DOCK4: variants seen among roughly 807,000 people sequenced by gnomAD.
DOCK4 encodes the protein dedicator of cytokinesis protein 4.
A neutral mutation model predicts 268.1 loss-of-function variants in DOCK4; 97 were observed. The observed-to-expected ratio is 0.36, with a 90% CI of 0.31 to 0.43. DOCK4 has a LOEUF of 0.43. Among genes scored for constraint, DOCK4 ranks in the 20% least tolerant of loss-of-function variants. The pLI is 1.00. For missense variants in DOCK4, 2,145 were observed against 2,455.7 expected (o/e 0.87, Z 2.67); for synonymous variants, 954 against 887.2 (o/e 1.08, Z -1.34).
intron 1 of DOCK4, among the ~76,000 whole-genome samples, chr7:112,179,143 T>C (rs577674405): frequency 6.6e-6 from 1 of 152,244 alleles, no homozygotes; most frequent in Non-Finnish European, 1.5e-5. Flanking sequence ...TCTCAGCACT[T>C]TAGAAGGCTG....
At chr7:111,995,846 A>G (rs1799916792) in intron 4 of DOCK4, among the ~76,000 whole-genome samples, 1 of 152,176 alleles carries the variant, frequency 6.6e-6, no homozygotes, top group African/African-American at 2.4e-5. Context: ...TTCTTTCTAG[A>G]GCTTAAACAC....
chr7:111,996,238 A>C (rs1799943844), intron 4 of DOCK4, among the ~76,000 whole-genome samples: 1 of 152,222 alleles, frequency 6.6e-6, no homozygotes, highest in Non-Finnish European at 1.5e-5. Context: ...ACATACACGC[A>C]ATTCAGTCTG....
At chr7:111,791,101 A>ATATATATATATAT (rs1355856524) in intron 30 of DOCK4, among the ~76,000 whole-genome samples, 1,180 of 115,492 alleles carry the variant, frequency 0.01, 21 homozygotes, top group African/African-American at 0.015. Flanking sequence ...TATATATATA[A>ATATATATATATAT]AATAAATCAT....
At chr7:112,088,950 G>T (rs180971660) in intron 1 of DOCK4, among the ~76,000 whole-genome samples, 62 of 152,018 alleles carry the variant, frequency 4.1e-4, no homozygotes, top group Non-Finnish European at 5.6e-4. Context: ...TGCTCAATAC[G>T]TTGTCAATGC....
intron 30 of DOCK4, among the ~76,000 whole-genome samples, chr7:111,792,731 G>C (rs1478067227): frequency 6.6e-6 from 1 of 152,126 alleles, no homozygotes; most frequent in Non-Finnish European, 1.5e-5. Flanking sequence ...CTGGGGAGCA[G>C]CTAAAATGAT....
chr7:111,848,056 A>G (rs1016303915), intron 23 of DOCK4, among the ~76,000 whole-genome samples: 5 of 152,076 alleles, frequency 3.3e-5, no homozygotes, highest in Admixed American at 3.3e-4. Flanking sequence ...TGACCCTTTC[A>G]ATCTATACAC....
At chr7:112,203,504 A>G (rs1282726044) in intron 1 of DOCK4, among the ~76,000 whole-genome samples, 2 of 152,212 alleles carry the variant, frequency 1.3e-5, no homozygotes, top group African/African-American at 4.8e-5. Flanking sequence ...ATATAAAAGC[A>G]TAATTATCTC....
chr7:111,780,698 T>C (rs1027807224), intron 35 of DOCK4, among the ~76,000 whole-genome samples: 4 of 152,234 alleles, frequency 2.6e-5, no homozygotes, highest in African/African-American at 9.6e-5. Context: ...GTCACAGCTC[T>C]CCTGAAGACA....
chr7:111,808,534 T>A (rs1369832929), intron 30 of DOCK4: 1 of 284,828 alleles, frequency 3.5e-6, no homozygotes, highest in African/African-American at 2.2e-5. Flanking sequence ...AAAGGTTGCC[T>A]CATCGCTGGA....
At chr7:112,204,752 A>C (rs992126281) in intron 1 of DOCK4, among the ~76,000 whole-genome samples, 57 of 152,198 alleles carry the variant, frequency 3.7e-4, no homozygotes, top group African/African-American at 1.2e-3. Context: ...AAAAAAAAAA[A>C]CAAAAATCCC....
rs180704737 is a variant in DOCK4 at position 112,082,503 on chromosome 7, C to T, written c.38-78372G>A. Among the ~76,000 whole-genome samples, 26 of 152,278 alleles carry T rather than the reference C, an allele frequency of 1.7e-4. No individual in the cohort carries two copies. In the South Asian group the frequency reaches 2.5e-3, roughly 15 times the overall value. On this transcript the variant is annotated intron_variant, in intron 1 of 52. Transcript: ENST00000428084. ...TAATAGGATTGGCAACCCATAGGCA[C>T]GCTGGGATTTCCCAGCAAATCAAAT...
intron 1 of DOCK4, among the ~76,000 whole-genome samples, chr7:112,146,146 C>G (rs937235891): frequency 6.6e-6 from 1 of 152,174 alleles, no homozygotes; most frequent in Non-Finnish European, 1.5e-5. Context: ...CCTGAGGTGA[C>G]TTTACAGAGG....
intron 30 of DOCK4, among the ~76,000 whole-genome samples, chr7:111,791,865 G>C (rs1014221398): frequency 6.6e-6 from 1 of 152,138 alleles, no homozygotes; most frequent in African/African-American, 2.4e-5. Context: ...CCACCAGGCT[G>C]GGCCCCTTGT....
intron 8 of DOCK4, among the ~76,000 whole-genome samples, chr7:111,973,647 T>A (rs1281002992): frequency 1.3e-5 from 2 of 151,522 alleles, no homozygotes; most frequent in African/African-American, 4.9e-5. Flanking sequence ...GGAATATTAA[T>A]TTTTTAGATG....
Position 111,844,696 on chromosome 7 carries a change from G to A in DOCK4, c.2736+67C>T, listed in dbSNP as rs539557345. 4.6e-6 allele frequency: 7 copies of A among 1,524,730 alleles called. No individual in the cohort carries two copies. The South Asian group carries it at 6.5e-5, about 14-fold the overall frequency. The allele number at this position is 1,524,730 out of a possible 1,614,324, so 94.5% of individuals were successfully genotyped here. A position where few individuals can be genotyped will look rare whatever the true frequency, so the allele number is the denominator to read the frequency against. ...CACATTTTCCAGATTATAACATCAA[G>A]CCACCTGCAACGTGACTGAAGCATA... On this transcript the variant is annotated intron_variant, in intron 25 of 52. Coordinates refer to ENST00000428084, the MANE Select transcript of DOCK4 (RefSeq NM_001363540.2).
chr7:112,132,839 T>C (rs1325290409), intron 1 of DOCK4, among the ~76,000 whole-genome samples: 1 of 152,174 alleles, frequency 6.6e-6, no homozygotes, highest in East Asian at 1.9e-4. Context: ...GCCCACAGCT[T>C]GACAGACCCA....
At chr7:111,817,785 C>T (rs903346535) in intron 27 of DOCK4, among the ~76,000 whole-genome samples, 1 of 152,152 alleles carries the variant, frequency 6.6e-6, no homozygotes, top group African/African-American at 2.4e-5. Context: ...AAAGGAATCC[C>T]AGTCCTCACA....
chr7:112,089,366 C>A (rs986659646), intron 1 of DOCK4, among the ~76,000 whole-genome samples: 2 of 152,062 alleles, frequency 1.3e-5, no homozygotes, highest in African/African-American at 4.8e-5. Flanking sequence ...TGACACTGAC[C>A]TCCCATTCTC....
intron 34 of DOCK4, among the ~76,000 whole-genome samples, chr7:111,783,183 G>T (rs1459296336): frequency 6.6e-6 from 1 of 152,114 alleles, no homozygotes. Context: ...TCATTGCCAT[G>T]TCAAGATTAT....
Sources: gnomAD v4.1 joint callset for allele counts (sites outside exome capture counted in the v4.1 genomes callset) on GRCh38, gnomAD v4.1.1 for gene constraint, MANE v1.5 for transcripts, NCBI Gene and HGNC (gene_info 2026-07-23, HGNC 2026-07-21) for gene names.